SRC: variants seen among roughly 807,000 people sequenced by gnomAD.
The protein encoded by SRC is SRC proto-oncogene, non-receptor tyrosine kinase.
In SRC, 13 loss-of-function variants were observed where a neutral mutation model predicts 62.9. The observed-to-expected ratio is 0.21, with a 90% CI of 0.13 to 0.33. The LOEUF (loss-of-function observed/expected upper bound fraction) is 0.33. Among genes scored for constraint, SRC ranks in the 10% least tolerant of loss-of-function variants. SRC has a pLI of 1.00. For synonymous variants in SRC, 302 were observed against 317.5 expected, an observed-to-expected ratio of 0.95 and a Z score of 0.52; for missense variants, 457 against 737.3, an observed-to-expected ratio of 0.62 and a Z score of 4.40.
rs931866439 is a variant in SRC at position 37,384,025 on chromosome 20, C to T, written c.-4-125C>T. On this transcript the variant is annotated intron_variant, in intron 3 of 13. Coordinates refer to ENST00000373578, the MANE Select transcript of SRC (RefSeq NM_198291.3). The surrounding 1 kb of genome is among the most constrained non-coding windows in gnomAD (Gnocchi z 6.7). ...TGCTGGGATTACAGGCGTGAGCCAC[C>T]GCGCCCGGCCCTGCTGCCTCTCCTT... 4 of 1,343,630 alleles carry T rather than the reference C, an allele frequency of 3.0e-6. No individual in the cohort carries two copies. The highest frequency in any genetic ancestry group is 4.0e-6 in the Non-Finnish European group (4 of 1,001,984). The allele number at this position is 1,343,630 out of a possible 1,614,324, so 83.2% of individuals were successfully genotyped here.
At chr20:37,359,548 G>A (rs2069934069) in intron 1 of SRC, among the ~76,000 whole-genome samples, 1 of 152,192 alleles carries the variant, frequency 6.6e-6, no homozygotes, top group Non-Finnish European at 1.5e-5. Flanking sequence ...GAGCCATGCA[G>A]CTCCCTGGGG....
intron 2 of SRC, among the ~76,000 whole-genome samples, chr20:37,366,967 G>A (rs1303255505): frequency 2.0e-5 from 3 of 152,068 alleles, no homozygotes; most frequent in African/African-American, 4.8e-5. Context: ...CAAAGCAGCT[G>A]CACCATTTTA....
At chr20:37,358,647 G>A (rs1215710192) in intron 1 of SRC, among the ~76,000 whole-genome samples, 1 of 152,262 alleles carries the variant, frequency 6.6e-6, no homozygotes, top group Admixed American at 6.5e-5. Context: ...GCAGGCCAGG[G>A]ATTGGGGTCT....
intron 4 of SRC, among the ~76,000 whole-genome samples, chr20:37,385,462 G>C (rs1248882991): frequency 1.3e-5 from 2 of 151,958 alleles, no homozygotes; most frequent in Non-Finnish European, 2.9e-5. Context: ...CTCGTGGAGG[G>C]TGTTAGAAGG....
At position 37,384,299 on chromosome 20, in the gene SRC, G is replaced by T; in HGVS notation, c.146G>T (p.Gly49Val). The T allele has an allele frequency of 6.7e-7, 1 of 1,482,688 alleles. No homozygotes were observed. The highest frequency in any genetic ancestry group is 2.5e-5 in the Admixed American group (1 of 40,226). 91.8% of individuals were successfully genotyped at this position (1,482,688 alleles called of 1,614,324 possible). ...SKPASADGHR[G>V]PSAAFAPAAA... is the part of the protein sequence containing the mutation. ...CCAGCCTCGGCCGACGGCCACCGCG[G>T]CCCCAGCGCGGCCTTCGCCCCCGCG... Residue 49 changes from glycine (G) to valine (V), a missense_variant, in exon 4 of 14, where the codon GGC becomes GTC. Around this residue, in one of 4 missense-constraint regions of SRC, gnomAD observed 132 missense variants for 135.4 expected, o/e 0.98. Coordinates refer to ENST00000373578, the MANE Select transcript of SRC (RefSeq NM_198291.3). This position sits in a 1 kb window ranked among gnomAD's most constrained non-coding sequence, Gnocchi z 6.7.
At chr20:37,383,158 C>T (rs1337962010) in intron 3 of SRC, among the ~76,000 whole-genome samples, 1 of 152,160 alleles carries the variant, frequency 6.6e-6, no homozygotes, top group African/African-American at 2.4e-5. Context: ...CAAAACAGGA[C>T]CACATGTTAT....
chr20:37,368,261 T>C (rs1390688431), intron 2 of SRC, among the ~76,000 whole-genome samples: 1 of 151,924 alleles, frequency 6.6e-6, no homozygotes, highest in Non-Finnish European at 1.5e-5. Context: ...CTACTAAAAA[T>C]ACAAAAATTA....
At chr20:37,375,548 GT>G (rs917924338) in intron 2 of SRC, among the ~76,000 whole-genome samples, 3 of 150,746 alleles carry the variant, frequency 2.0e-5, no homozygotes, top group African/African-American at 7.3e-5. Flanking sequence ...AAATTTTTGT[GT>G]TTTTTTTTAG....
intron 2 of SRC, among the ~76,000 whole-genome samples, chr20:37,365,949 C>G (rs1028567772): frequency 1.3e-5 from 2 of 151,922 alleles, no homozygotes; most frequent in African/African-American, 2.4e-5. Context: ...ACACAATTGA[C>G]TTTTTTCTCT....
At chr20:37,361,655 CA>C (rs367691043) in intron 1 of SRC, among the ~76,000 whole-genome samples, 90 of 152,346 alleles carry the variant, frequency 5.9e-4, no homozygotes, top group African/African-American at 2.1e-3. Context: ...CATCACCCAT[CA>C]GGGGTGGGGC....
At chr20:37,374,280 A>G (rs2070242694) in intron 2 of SRC, among the ~76,000 whole-genome samples, 1 of 151,972 alleles carries the variant, frequency 6.6e-6, no homozygotes, top group Non-Finnish European at 1.5e-5. Context: ...GGGTTTCACC[A>G]TATTGGCCAG....
intron 9 of SRC, among the ~76,000 whole-genome samples, chr20:37,399,903 C>T (rs2070712885): frequency 6.6e-6 from 1 of 152,206 alleles, no homozygotes; most frequent in Admixed American, 6.5e-5. Context: ...AGCATTTAAT[C>T]CTAGTAACAG....
chr20:37,361,129 G>A (rs1408446955), intron 1 of SRC, among the ~76,000 whole-genome samples: 3 of 151,994 alleles, frequency 2.0e-5, no homozygotes, highest in Non-Finnish European at 4.4e-5. Flanking sequence ...GGTGGGTGGT[G>A]GAGCTTAGGG....
chr20:37,370,778 G>C (rs1800883521), intron 2 of SRC, among the ~76,000 whole-genome samples: 1 of 152,074 alleles, frequency 6.6e-6, no homozygotes, highest in Admixed American at 6.5e-5. Flanking sequence ...TATGGTATCG[G>C]GGTAATACCG....
chr20:37,391,581 C>T (rs146723551), intron 5 of SRC, among the ~76,000 whole-genome samples: 11 of 152,254 alleles, frequency 7.2e-5, no homozygotes, highest in Admixed American at 1.3e-4. Flanking sequence ...TGGCCAGGCG[C>T]GGTGGCTCAC....
chr20:37,360,276 T>G (rs1402417352), intron 1 of SRC, among the ~76,000 whole-genome samples: 1 of 138,506 alleles, frequency 7.2e-6, no homozygotes, highest in Non-Finnish European at 1.5e-5. Flanking sequence ...CAGGCTGGAG[T>G]GCAGTGGTGC....
At chr20:37,355,716 C>A (rs1182830217) in intron 1 of SRC, among the ~76,000 whole-genome samples, 1 of 152,096 alleles carries the variant, frequency 6.6e-6, no homozygotes, top group Non-Finnish European at 1.5e-5. Context: ...GGAGGTGATA[C>A]CTGGCCTGGA....
At chr20:37,374,889 T>G (rs576584354) in intron 2 of SRC, among the ~76,000 whole-genome samples, 1 of 151,528 alleles carries the variant, frequency 6.6e-6, no homozygotes, top group Non-Finnish European at 1.5e-5. Flanking sequence ...ATAATACTCT[T>G]ACCTTCTCTT....
intron 1 of SRC, among the ~76,000 whole-genome samples, chr20:37,347,206 A>G (rs971060894): frequency 4.6e-5 from 7 of 152,152 alleles, no homozygotes; most frequent in Admixed American, 6.5e-5. Context: ...ACTCTGTACA[A>G]TTTGGGGCAG....
Sources: gnomAD v4.1 joint callset for allele counts (sites outside exome capture counted in the v4.1 genomes callset) on GRCh38, gnomAD v4.1.1 for gene constraint, gnomAD v4.1.1 regional missense constraint, Gnocchi (gnomAD v3.1) non-coding constraint, MANE v1.5 for transcripts, NCBI Gene and HGNC (gene_info 2026-07-23, HGNC 2026-07-21) for gene names.